Variants in SHISA6 observed in about 807,000 individuals in gnomAD.
SHISA6 encodes shisa family member 6.
Under a neutral mutation model 47.9 loss-of-function variants are expected in SHISA6, and 22 were observed. The ratio of observed to expected loss-of-function variants is 0.46; its 90% CI spans 0.33 to 0.66. SHISA6 has a LOEUF of 0.66. SHISA6 is among the 30% of genes least tolerant of loss of function. SHISA6 has a pLI of 0.02. For missense variants in SHISA6, 680 were observed against 764.6 expected, an observed-to-expected ratio of 0.89 and a Z score of 1.30; for synonymous variants, 388 against 337.8, an observed-to-expected ratio of 1.15 and a Z score of -1.63.
chr17:11,397,315 C>G (rs1913601221), intron 3 of SHISA6, among the ~76,000 whole-genome samples: 1 of 151,708 alleles, frequency 6.6e-6, no homozygotes, highest in African/African-American at 2.4e-5. Flanking sequence ...CCTCCTTTCT[C>G]TTTCCAGTTT....
At chr17:11,355,741 G>C (rs534658571) in intron 2 of SHISA6, among the ~76,000 whole-genome samples, 1 of 152,172 alleles carries the variant, frequency 6.6e-6, no homozygotes, top group Non-Finnish European at 1.5e-5. Flanking sequence ...AATCCACATC[G>C]GCCAGCCTCT....
chr17:11,563,516 C>G lies in SHISA6; in HGVS notation c.*5212C>G, dbSNP rs907072434. ...GAAATAATGTTGTGGCTGTGTGTTT[C>G]CTTAATGCTCTCCCTCCTGAGGGAG... On this transcript the variant is annotated 3_prime_UTR_variant, in exon 6 of 6. Transcript: ENST00000441885. 6.6e-6 allele frequency: 1 copy of G among 152,156 alleles called. No individual in the cohort carries two copies. Among genetic ancestry groups the G allele is most frequent in the African/African-American group, 2.4e-5 (1 of 41,416 alleles). The allele number at this position is 152,156 out of a possible 1,614,324, so 9.4% of individuals were successfully genotyped here. A position where few individuals can be genotyped will look rare whatever the true frequency, so the allele number is the denominator to read the frequency against.
intron 3 of SHISA6, among the ~76,000 whole-genome samples, chr17:11,528,880 C>G (rs2071709332): frequency 6.6e-6 from 1 of 152,166 alleles, no homozygotes; most frequent in Admixed American, 6.5e-5. Context: ...ATTCCCATAG[C>G]TGCTACTCTA....
intron 3 of SHISA6, among the ~76,000 whole-genome samples, chr17:11,476,890 T>C (rs548873855): frequency 6.6e-6 from 1 of 152,310 alleles, no homozygotes; most frequent in African/African-American, 2.4e-5. Flanking sequence ...TGGATTTATC[T>C]ATTTCTTCTT....
chr17:11,418,613 G>A (rs2142279403), intron 3 of SHISA6, among the ~76,000 whole-genome samples: 1 of 152,234 alleles, frequency 6.6e-6, no homozygotes, highest in South Asian at 2.1e-4. Flanking sequence ...ACTGTAAAGT[G>A]CTATCTAAAT....
At chr17:11,388,839 T>A (rs1449098194) in intron 3 of SHISA6, among the ~76,000 whole-genome samples, 1 of 102,306 alleles carries the variant, frequency 9.8e-6, no homozygotes, top group African/African-American at 4.3e-5. Flanking sequence ...TATATATATA[T>A]ATTTTAAAAA....
intron 3 of SHISA6, among the ~76,000 whole-genome samples, chr17:11,475,112 A>G (rs973527334): frequency 6.6e-6 from 1 of 152,250 alleles, no homozygotes; most frequent in African/African-American, 2.4e-5. Flanking sequence ...TTACTTGTTC[A>G]TTGACATTTG....
chr17:11,313,533 T>G (rs1354396955), intron 2 of SHISA6, among the ~76,000 whole-genome samples: 2 of 152,060 alleles, frequency 1.3e-5, no homozygotes, highest in African/African-American at 2.4e-5. Context: ...TTATTGCAAA[T>G]TGGAAGCAAA....
intron 2 of SHISA6, among the ~76,000 whole-genome samples, chr17:11,267,127 C>A (rs1471385501): frequency 6.6e-6 from 1 of 152,062 alleles, no homozygotes; most frequent in Non-Finnish European, 1.5e-5. Flanking sequence ...AGCCTTTTAC[C>A]CCAACTCTTC....
At chr17:11,554,247 T>G (rs1040010258) in intron 4 of SHISA6, among the ~76,000 whole-genome samples, 1 of 152,168 alleles carries the variant, frequency 6.6e-6, no homozygotes, top group East Asian at 1.9e-4. Context: ...TCTGTCCTGA[T>G]GCATGCCAAG....
chr17:11,482,259 A>C (rs1329551505), intron 3 of SHISA6, among the ~76,000 whole-genome samples: 1 of 152,222 alleles, frequency 6.6e-6, no homozygotes, highest in South Asian at 2.1e-4. Flanking sequence ...AGAATAAATC[A>C]AGAATTTGAC....
At position 11,311,298 on chromosome 17, in the gene SHISA6, A is replaced by AAAAAAAC. The variant is rs1555527561; in HGVS notation, c.799+47774_799+47775insAAAACAA. Among the ~76,000 whole-genome samples, 24 of 133,188 alleles carry AAAAAAAC rather than the reference A, an allele frequency of 1.8e-4. 1 individual carries two copies. Among genetic ancestry groups the AAAAAAAC allele is most frequent in the African/African-American group, 3.1e-4 (11 of 34,926 alleles). The allele number at this position is 133,188 out of a possible 152,430, so 87.4% of individuals were successfully genotyped here. ...CTTCGTCAAAAAAAAAAAAAAAAAA[A>AAAAAAAC]AACCGACAAACAAAAAAAATCACCT... On this transcript the variant is annotated intron_variant, in intron 2 of 5. Transcript: ENST00000441885.
At chr17:11,526,416 C>T (rs1186864664) in intron 3 of SHISA6, among the ~76,000 whole-genome samples, 1 of 152,160 alleles carries the variant, frequency 6.6e-6, no homozygotes, top group Non-Finnish European at 1.5e-5. Context: ...GCAGACTGTC[C>T]CCACAGACAC....
chr17:11,271,419 C>T (rs1235111409), intron 2 of SHISA6, among the ~76,000 whole-genome samples: 1 of 152,036 alleles, frequency 6.6e-6, no homozygotes, highest in Non-Finnish European at 1.5e-5. Flanking sequence ...GGCGCAGATA[C>T]ACCAAGTTCC....
Position 11,562,993 on chromosome 17 carries a change from A to C in SHISA6, c.*4689A>C, listed in dbSNP as rs1370006577. On this transcript the variant is annotated 3_prime_UTR_variant, in exon 6 of 6. Transcript: ENST00000441885. Reference sequence around the variant, plus strand: ...GCCATGGAAGCCCTCTTGTAAAGACACACCTAAACCATCCTAAGTGACTGT... The same window carrying C: ...GCCATGGAAGCCCTCTTGTAAAGACCCACCTAAACCATCCTAAGTGACTGT... 1 of 151,822 alleles carries C rather than the reference A, an allele frequency of 6.6e-6. No homozygotes were observed. Among genetic ancestry groups the C allele is most frequent in the Non-Finnish European group, 1.5e-5 (1 of 68,064 alleles). The allele number at this position is 151,822 out of a possible 1,614,324, so 9.4% of individuals were successfully genotyped here. A position where few individuals can be genotyped will look rare whatever the true frequency, so the allele number is the denominator to read the frequency against.
At chr17:11,444,189 C>A (rs1915170450) in intron 3 of SHISA6, among the ~76,000 whole-genome samples, 1 of 152,110 alleles carries the variant, frequency 6.6e-6, no homozygotes, top group Non-Finnish European at 1.5e-5. Flanking sequence ...CGTGGTGGCA[C>A]ACGCCTGTAG....
intron 3 of SHISA6, among the ~76,000 whole-genome samples, chr17:11,551,215 C>CT (rs2071929288): frequency 6.6e-6 from 1 of 152,280 alleles, no homozygotes; most frequent in Admixed American, 6.5e-5. Flanking sequence ...TTTTGGAACG[C>CT]CTTGAACTTC....
Position 11,560,769 on chromosome 17 carries a change from T to C in SHISA6, c.*2465T>C, listed in dbSNP as rs2072035322. 6.6e-6 allele frequency: 1 copy of C among 152,162 alleles called. No homozygotes were observed. The highest frequency in any genetic ancestry group is 2.1e-4 in the South Asian group (1 of 4,822). 9.4% of individuals were successfully genotyped at this position (152,162 alleles called of 1,614,324 possible). A position where few individuals can be genotyped will look rare whatever the true frequency, so the allele number is the denominator to read the frequency against. On this transcript the variant is annotated 3_prime_UTR_variant, in exon 6 of 6. Transcript: ENST00000441885. ...TCTCAGGGGTTGTTGATGAGTTGAT[T>C]CCAAGACATTTCTCATCCCAGCCTT...
intron 2 of SHISA6, among the ~76,000 whole-genome samples, chr17:11,294,020 G>A (rs1453363601): frequency 1.3e-5 from 2 of 151,970 alleles, no homozygotes; most frequent in Admixed American, 1.3e-4. Context: ...CGAGTAGCTG[G>A]GACTACAGGT....
Sources: gnomAD v4.1 joint callset for allele counts (sites outside exome capture counted in the v4.1 genomes callset) on GRCh38, gnomAD v4.1.1 for gene constraint, MANE v1.5 for transcripts, NCBI Gene and HGNC (gene_info 2026-07-23, HGNC 2026-07-21) for gene names.